The following SLC6A11 variants were observed in gnomAD, a reference collection of about 807,000 sequenced individuals.
SLC6A11 encodes the protein solute carrier family 6 member 11, also known as sodium- and chloride-dependent GABA transporter 3.
A neutral mutation model predicts 74.8 loss-of-function variants in SLC6A11; 25 were observed. The observed-to-expected ratio is 0.33, with a 90% CI of 0.24 to 0.47. The LOEUF (loss-of-function observed/expected upper bound fraction) is 0.47, where lower values mean the gene tolerates loss of function less well. SLC6A11 is among the 20% of genes least tolerant of loss of function. SLC6A11 has a pLI of 1.00. For synonymous variants in SLC6A11, 330 were observed against 330.2 expected (o/e 1.00, Z 0.01); for missense variants, 574 against 837.0 (o/e 0.69, Z 3.88).
intron 10 of SLC6A11, among the ~76,000 whole-genome samples, chr3:10,931,538 G>A (rs568605691): frequency 6.8e-4 from 104 of 152,262 alleles, no homozygotes; most frequent in African/African-American, 2.3e-3. Context: ...GGCATGGCCC[G>A]CTGAGAGATC....
At chr3:10,889,716 A>G (rs565938096) in intron 6 of SLC6A11, among the ~76,000 whole-genome samples, 3 of 152,320 alleles carry the variant, frequency 2.0e-5, no homozygotes, top group African/African-American at 4.8e-5. Flanking sequence ...GGTGGTTTTT[A>G]TACACATGAA....
chr3:10,932,180 A>AC (rs1409731933), intron 10 of SLC6A11, among the ~76,000 whole-genome samples: 1 of 151,782 alleles, frequency 6.6e-6, no homozygotes, highest in Non-Finnish European at 1.5e-5. Context: ...CTCCTAGAAA[A>AC]CCTTCCCAGA....
chr3:10,819,992 G>T (rs557853224), intron 3 of SLC6A11, 140 bp downstream of exon 3: 58 of 849,084 alleles, frequency 6.8e-5, no homozygotes, highest in Admixed American at 2.8e-4. Flanking sequence ...TGAAACTGGG[G>T]TCAGCTCTGC....
At chr3:10,885,763 T>A (rs113787338) in intron 6 of SLC6A11, among the ~76,000 whole-genome samples, 2 of 390 alleles carry the variant, frequency 5.1e-3, no homozygotes, top group Non-Finnish European at 0.012. Context: ...GTGGCAGGGT[T>A]GGGAGCCCCC....
At chr3:10,887,870 G>A (rs1443515521) in intron 6 of SLC6A11, among the ~76,000 whole-genome samples, 1 of 152,226 alleles carries the variant, frequency 6.6e-6, no homozygotes, top group Non-Finnish European at 1.5e-5. Flanking sequence ...TGTAGCTACA[G>A]GATAGACTTT....
At chr3:10,870,763 A>G (rs928784577) in intron 5 of SLC6A11, among the ~76,000 whole-genome samples, 1 of 152,222 alleles carries the variant, frequency 6.6e-6, no homozygotes, top group African/African-American at 2.4e-5. Flanking sequence ...TGTGCCTTAC[A>G]TAATGATGCC....
intron 6 of SLC6A11, among the ~76,000 whole-genome samples, chr3:10,896,469 G>A (rs1559575343): frequency 6.6e-6 from 1 of 152,188 alleles, no homozygotes; most frequent in Non-Finnish European, 1.5e-5. Flanking sequence ...AGAAACTGAG[G>A]CTCAAAGAGG....
intron 4 of SLC6A11, among the ~76,000 whole-genome samples, chr3:10,835,765 G>C (rs7653062): frequency 3.9e-5 from 6 of 152,188 alleles, no homozygotes; most frequent in Non-Finnish European, 8.8e-5. Flanking sequence ...ACACAAAAGC[G>C]CCTGACACGT....
chr3:10,873,428 T>TGGCATGCCATCCTAC (rs1394457022), intron 5 of SLC6A11, among the ~76,000 whole-genome samples: 7 of 150,860 alleles, frequency 4.6e-5, no homozygotes, highest in African/African-American at 7.4e-5. Context: ...TCCTATCCTA[T>TGGCATGCCATCCTAC]CCTATCCTAT....
chr3:10,904,566 T>C lies in SLC6A11; in HGVS notation c.892-7524T>C, dbSNP rs976386188. ...AGGGTTTGTTTTGTTGAGACTGTTT[T>C]CCCTTCAAATTGTGTCGAGAAATAG... On this transcript the variant is annotated intron_variant, in intron 6 of 13. Transcript: ENST00000254488. Among the ~76,000 whole-genome samples the C allele has an allele frequency of 5.3e-5, 8 of 152,192 alleles. No homozygotes were observed. The East Asian group carries it at 1.5e-3, about 29-fold the overall frequency.
intron 7 of SLC6A11, among the ~76,000 whole-genome samples, chr3:10,917,722 G>A (rs1164162632): frequency 6.6e-6 from 1 of 152,192 alleles, no homozygotes; most frequent in Non-Finnish European, 1.5e-5. Flanking sequence ...TCACTGCTCT[G>A]ATAAACCTCT....
At chr3:10,875,925 G>GT (rs1486026923) in intron 6 of SLC6A11, among the ~76,000 whole-genome samples, 12 of 152,338 alleles carry the variant, frequency 7.9e-5, no homozygotes, top group African/African-American at 2.9e-4. Flanking sequence ...TGGGTTGCAG[G>GT]TGTCAGTATC....
chr3:10,848,878 C>T (rs1694538524), intron 5 of SLC6A11, among the ~76,000 whole-genome samples: 1 of 152,058 alleles, frequency 6.6e-6, no homozygotes, highest in Non-Finnish European at 1.5e-5. Flanking sequence ...CAAATAAGGC[C>T]CAGAGAGGTT....
intron 6 of SLC6A11, among the ~76,000 whole-genome samples, chr3:10,908,372 A>T (rs1389313043): frequency 6.6e-6 from 1 of 152,188 alleles, no homozygotes; most frequent in Non-Finnish European, 1.5e-5. Context: ...GAACCAACAG[A>T]CTGTCAGAAA....
chr3:10,859,761 C>T (rs1335354776), intron 5 of SLC6A11, among the ~76,000 whole-genome samples: 1 of 152,178 alleles, frequency 6.6e-6, no homozygotes, highest in Admixed American at 6.5e-5. Flanking sequence ...TTTGTCTAAT[C>T]TAAGTTACAT....
chr3:10,849,789 G>T (rs1694548562), intron 5 of SLC6A11, among the ~76,000 whole-genome samples: 1 of 82,214 alleles, frequency 1.2e-5, no homozygotes, highest in African/African-American at 4.8e-5. Context: ...CATACTTGTT[G>T]AAGCCAAAAA....
At chr3:10,878,089 G>C (rs1694932183) in intron 6 of SLC6A11, among the ~76,000 whole-genome samples, 1 of 152,166 alleles carries the variant, frequency 6.6e-6, no homozygotes. Flanking sequence ...CCCAGCAACA[G>C]AGGGATCTTT....
chr3:10,904,717 T>A (rs1442928955), intron 6 of SLC6A11, among the ~76,000 whole-genome samples: 1 of 152,140 alleles, frequency 6.6e-6, no homozygotes, highest in Non-Finnish European at 1.5e-5. Context: ...ACTTGACAGC[T>A]GCAGAGCTGT....
At chr3:10,936,661 A>G (rs1695763331) in intron 13 of SLC6A11, among the ~76,000 whole-genome samples, 1 of 152,214 alleles carries the variant, frequency 6.6e-6, no homozygotes. Context: ...CCTGCAGGGA[A>G]TGTAGGTCAA....
Sources: gnomAD v4.1 joint callset for allele counts (sites outside exome capture counted in the v4.1 genomes callset) on GRCh38, gnomAD v4.1.1 for gene constraint, MANE v1.5 for transcripts, NCBI Gene and HGNC (gene_info 2026-07-23, HGNC 2026-07-21) for gene names.